PNPT1: variants seen among roughly 807,000 people sequenced by gnomAD.
The protein encoded by PNPT1 is polyribonucleotide nucleotidyltransferase 1, mitochondrial.
In PNPT1, 53 loss-of-function variants were observed where a neutral mutation model predicts 119.5. That is an observed-to-expected ratio of 0.44 (90% CI 0.36 to 0.56). The LOEUF (loss-of-function observed/expected upper bound fraction) is 0.56. PNPT1 is among the 20% of genes least tolerant of loss of function. The pLI is 0.00. For missense variants in PNPT1, 948 were observed against 938.5 expected, an observed-to-expected ratio of 1.01 and a Z score of -0.13; for synonymous variants, 357 against 322.1, an observed-to-expected ratio of 1.11 and a Z score of -1.16.
chr2:55,637,981 CAGAG>C (rs369189051), intron 26 of PNPT1, among the ~76,000 whole-genome samples: 9 of 133,330 alleles, frequency 6.8e-5, no homozygotes, highest in African/African-American at 2.3e-4. Flanking sequence ...GCCTGGGTGA[CAGAG>C]AGAGAATCCG....
intron 21 of PNPT1, 101 bp from the exon 22 acceptor site, chr2:55,645,533 T>A: frequency 1.4e-6 from 1 of 706,232 alleles, no homozygotes; most frequent in Non-Finnish European, 2.3e-6. Flanking sequence ...CCCTGTAGCT[T>A]AATAATTGAA....
At chr2:55,657,475 G>A (rs1000726658) in intron 15 of PNPT1, among the ~76,000 whole-genome samples, 18 of 150,406 alleles carry the variant, frequency 1.2e-4, no homozygotes, top group African/African-American at 3.2e-4. Flanking sequence ...TGCAACCTCT[G>A]CTTCTGGGTT....
Position 55,636,268 on chromosome 2 carries a change from G to C in PNPT1, c.2321C>G (p.Pro774Arg). The C allele has an allele frequency of 6.2e-7, 1 of 1,612,682 alleles. No individual in the cohort carries two copies. The highest frequency in any genetic ancestry group is 1.7e-4 in the Middle Eastern group (1 of 6,060). The change falls in exon 28 of 28, where the codon CCT becomes CGT. Residue 774 changes from proline (P) to arginine (R), a missense_variant. Pro to Arg is a moderately radical substitution (Grantham distance 103, BLOSUM62 -2). Coordinates refer to ENST00000447944, the MANE Select transcript of PNPT1 (RefSeq NM_033109.5). ...AGAATTAGATGATGACTGTGAAATA[G>C]GTTCTCCCATTACAATACTACTTCT... ...NDRSSIVMGEPISQSSSNSQ is the reference protein window; with the variant it reads ...NDRSSIVMGERISQSSSNSQ
Position 55,641,283 on chromosome 2 carries a change from ATTT to A in PNPT1, c.2070-581_2070-579del, listed in dbSNP as rs10713596. Among the ~76,000 whole-genome samples the A allele has an allele frequency of 1.5e-3, 151 of 100,092 alleles. 1 individual carries two copies. Among genetic ancestry groups the A allele is most frequent in the East Asian group, 8.6e-3 (35 of 4,056 alleles). 65.7% of individuals were successfully genotyped at this position (100,092 alleles called of 152,430 possible). On this transcript the variant is annotated intron_variant, in intron 25 of 27. Coordinates refer to ENST00000447944, the MANE Select transcript of PNPT1 (RefSeq NM_033109.5). The stretch of plus-strand genomic sequence containing the variant: ...ATTTCTCTTAACAATTTCCAAAAAC[ATTT>A]TTTTTTTTTTTTTTTTTTGCCACCC...
chr2:55,638,254 A>G (rs781603641), intron 26 of PNPT1, among the ~76,000 whole-genome samples: 1 of 151,622 alleles, frequency 6.6e-6, no homozygotes, highest in Non-Finnish European at 1.5e-5. Context: ...GTAAGCTGAG[A>G]TTATGCCACT....
chr2:55,640,734 T>G (rs377297379), intron 25 of PNPT1, 29 bp from the exon 26 acceptor site: 5 of 1,383,904 alleles, frequency 3.6e-6, no homozygotes, highest in Non-Finnish European at 5.1e-6. Context: ...TAAGCCTGGT[T>G]AAAATAATAA....
At chr2:55,670,681 T>G (rs1261819087) in intron 11 of PNPT1, among the ~76,000 whole-genome samples, 1 of 152,192 alleles carries the variant, frequency 6.6e-6, no homozygotes, top group Non-Finnish European at 1.5e-5. Flanking sequence ...TTATTAACAC[T>G]GCAATTTCAC....
At chr2:55,650,431 T>C (rs1010870162) in intron 18 of PNPT1, among the ~76,000 whole-genome samples, 3 of 152,344 alleles carry the variant, frequency 2.0e-5, no homozygotes, top group Non-Finnish European at 2.9e-5. Flanking sequence ...AGACGGAGTC[T>C]CGTTCACTCC....
At chr2:55,665,600 G>A (rs1453929297) in intron 13 of PNPT1, among the ~76,000 whole-genome samples, 1 of 152,108 alleles carries the variant, frequency 6.6e-6, no homozygotes. Context: ...TCATAAAAGG[G>A]CAAACCTGAG....
chr2:55,643,545 G>GT, intron 23 of PNPT1, 120 bp from the exon 24 acceptor site: 1 of 778,934 alleles, frequency 1.3e-6, no homozygotes, highest in Non-Finnish European at 2.1e-6. Context: ...AGGAGTTCAA[G>GT]GCCAGCCTGG....
At chr2:55,647,268 A>T in intron 19 of PNPT1, 79 bp downstream of exon 19, 1 of 1,165,722 alleles carries the variant, frequency 8.6e-7, no homozygotes, top group South Asian at 1.5e-5. Flanking sequence ...CTTCACCATT[A>T]TTTGTTTTTA....
intron 25 of PNPT1, 138 bp downstream of exon 25, chr2:55,643,020 G>A: frequency 1.2e-6 from 1 of 822,856 alleles, no homozygotes; most frequent in Non-Finnish European, 2.0e-6. Flanking sequence ...AGGCTGAGGT[G>A]GGAGAACTGC....
At chr2:55,672,687 T>A (rs904057786) in intron 9 of PNPT1, among the ~76,000 whole-genome samples, 1 of 152,198 alleles carries the variant, frequency 6.6e-6, no homozygotes, top group Non-Finnish European at 1.5e-5. Context: ...CTCTTTCATT[T>A]GAGATTCAAA....
chr2:55,672,594 A>G (rs1397909373), intron 9 of PNPT1, among the ~76,000 whole-genome samples: 2 of 152,220 alleles, frequency 1.3e-5, no homozygotes, highest in Admixed American at 6.5e-5. Context: ...GTTTCCTTAG[A>G]TATTCAAATA....
intron 18 of PNPT1, among the ~76,000 whole-genome samples, chr2:55,650,778 C>A (rs1187943095): frequency 6.7e-6 from 1 of 148,998 alleles, no homozygotes; most frequent in African/African-American, 2.5e-5. Context: ...AAGTGAGGAG[C>A]CCCTCCGCCC....
At chr2:55,656,498 A>G in intron 15 of PNPT1, 127 bp from the exon 16 acceptor site, 1 of 790,082 alleles carries the variant, frequency 1.3e-6, no homozygotes, top group East Asian at 2.7e-5. Flanking sequence ...AAAAAAGTAC[A>G]TTCATAAATA....
At chr2:55,647,938 A>C (rs1408907257) in intron 18 of PNPT1, among the ~76,000 whole-genome samples, 1 of 152,256 alleles carries the variant, frequency 6.6e-6, no homozygotes, top group Admixed American at 6.5e-5. Flanking sequence ...CATATAATAA[A>C]GTTCCCTAAA....
At chr2:55,658,834 T>A (rs1360331543) in intron 15 of PNPT1, among the ~76,000 whole-genome samples, 1 of 152,224 alleles carries the variant, frequency 6.6e-6, no homozygotes, top group African/African-American at 2.4e-5. Context: ...TACAAAAAAA[T>A]GTTCTCTATT....
chr2:55,685,197 G>A, intron 3 of PNPT1, 149 bp from the exon 4 acceptor site: 1 of 558,356 alleles, frequency 1.8e-6, no homozygotes, highest in Non-Finnish European at 2.8e-6. Flanking sequence ...ATCTTTTGGG[G>A]AGAGGAAAGT....
Sources: gnomAD v4.1 joint callset for allele counts (sites outside exome capture counted in the v4.1 genomes callset) on GRCh38, gnomAD v4.1.1 for gene constraint, MANE v1.5 for transcripts, NCBI Gene and HGNC (gene_info 2026-07-23, HGNC 2026-07-21) for gene names.